C8orf34: variants seen among roughly 807,000 people sequenced by gnomAD.
C8orf34 encodes chromosome 8 open reading frame 34.
Under a neutral mutation model 68.3 loss-of-function variants are expected in C8orf34, and 65 were observed. The observed-to-expected ratio is 0.95, with a 90% CI of 0.78 to 1.17. The LOEUF (loss-of-function observed/expected upper bound fraction) is 1.17. Ranked by LOEUF, C8orf34 falls within the 50% of genes most tolerant of loss-of-function variation. C8orf34 has a pLI of 0.00. For missense variants in C8orf34, 664 were observed against 655.4 expected (o/e 1.01, Z -0.14); for synonymous variants, 244 against 241.2 (o/e 1.01, Z -0.11).
intron 10 of C8orf34, among the ~76,000 whole-genome samples, chr8:68,770,833 C>G (rs533742448): frequency 5.3e-5 from 8 of 152,188 alleles, no homozygotes; most frequent in Admixed American, 5.2e-4. Flanking sequence ...CCTTTTAAGG[C>G]AAAGGCATTA....
At chr8:68,440,022 T>C (rs1810834509) in intron 2 of C8orf34, among the ~76,000 whole-genome samples, 1 of 152,174 alleles carries the variant, frequency 6.6e-6, no homozygotes, top group South Asian at 2.1e-4. Context: ...CAGGATTACT[T>C]TTCTTGTTGC....
chr8:68,607,774 C>T (rs1391589920), intron 7 of C8orf34, among the ~76,000 whole-genome samples: 1 of 152,048 alleles, frequency 6.6e-6, no homozygotes, highest in Non-Finnish European at 1.5e-5. Flanking sequence ...TATTTCTTAC[C>T]CGCTGCTTTT....
At chr8:68,399,134 A>C (rs1370624768) in intron 1 of C8orf34, among the ~76,000 whole-genome samples, 1 of 152,146 alleles carries the variant, frequency 6.6e-6, no homozygotes, top group Non-Finnish European at 1.5e-5. Flanking sequence ...TAGTCCTAAT[A>C]ATAGTGAAAA....
intron 1 of C8orf34, among the ~76,000 whole-genome samples, chr8:68,415,631 G>A (rs910257391): frequency 7.9e-5 from 12 of 152,210 alleles, no homozygotes; most frequent in Non-Finnish European, 1.5e-4. Context: ...GAAGCCAATA[G>A]TGCCATTTTT....
intron 1 of C8orf34, among the ~76,000 whole-genome samples, chr8:68,435,705 G>T (rs989123574): frequency 6.6e-6 from 1 of 152,190 alleles, no homozygotes; most frequent in Non-Finnish European, 1.5e-5. Flanking sequence ...CTCTAACTCA[G>T]ATCATATGGA....
chr8:68,678,859 G>GAAAAAAAAAAAAA (rs35973682), intron 8 of C8orf34, among the ~76,000 whole-genome samples: 1 of 116,962 alleles, frequency 8.5e-6, no homozygotes, highest in Non-Finnish European at 1.8e-5. Flanking sequence ...GACCACAACT[G>GAAAAAAAAAAAAA]AAAAAAAAAA....
intron 8 of C8orf34, among the ~76,000 whole-genome samples, chr8:68,662,673 A>G (rs1180961383): frequency 2.6e-5 from 4 of 152,198 alleles, no homozygotes; most frequent in African/African-American, 7.2e-5. Flanking sequence ...AAATTACCCA[A>G]TCTCAGGTAT....
intron 5 of C8orf34, among the ~76,000 whole-genome samples, chr8:68,490,985 A>C (rs1478065885): frequency 6.6e-6 from 1 of 152,194 alleles, no homozygotes; most frequent in Non-Finnish European, 1.5e-5. Context: ...CTATGTCTTT[A>C]ATGTAACAGT....
chr8:68,398,996 T>C (rs140602296), intron 1 of C8orf34, among the ~76,000 whole-genome samples: 1 of 152,224 alleles, frequency 6.6e-6, no homozygotes, highest in African/African-American at 2.4e-5. Context: ...AAATTCCTAA[T>C]CATTTTCGAA....
At chr8:68,406,397 G>A (rs1006428385) in intron 1 of C8orf34, among the ~76,000 whole-genome samples, 2 of 152,092 alleles carry the variant, frequency 1.3e-5, no homozygotes, top group Non-Finnish European at 2.9e-5. Context: ...CATTCTGGGA[G>A]CCTCCTAAGA....
chr8:68,354,978 A>G lies in C8orf34; in HGVS notation c.327+23639A>G, dbSNP rs75960245. On this transcript the variant is annotated intron_variant, in intron 1 of 13. Coordinates refer to ENST00000518698, the MANE Select transcript of C8orf34 (RefSeq NM_052958.4). ...ATTGACTTGTGTATGCTTTCATCTTATTTGGAAAAAAAAAACATTGAAAAT... is the reference window on the plus strand; with the variant it reads ...ATTGACTTGTGTATGCTTTCATCTTGTTTGGAAAAAAAAAACATTGAAAAT... Among the ~76,000 whole-genome samples the G allele has an allele frequency of 8.7e-3, 1,318 of 151,738 alleles. 20 individuals are homozygous for G. The highest frequency in any genetic ancestry group is 0.03 in the African/African-American group (1,244 of 41,308).
At chr8:68,565,329 A>G (rs1816554075) in intron 7 of C8orf34, among the ~76,000 whole-genome samples, 1 of 152,112 alleles carries the variant, frequency 6.6e-6, no homozygotes, top group Non-Finnish European at 1.5e-5. Flanking sequence ...TATTCTCACT[A>G]CATGTTAGGA....
intron 1 of C8orf34, among the ~76,000 whole-genome samples, chr8:68,342,786 T>G (rs1806125525): frequency 6.6e-6 from 1 of 152,250 alleles, no homozygotes; most frequent in East Asian, 1.9e-4. Context: ...CAGGTACCCC[T>G]TATTTGACTT....
At chr8:68,389,986 G>T (rs973222842) in intron 1 of C8orf34, among the ~76,000 whole-genome samples, 2 of 152,102 alleles carry the variant, frequency 1.3e-5, no homozygotes, top group Admixed American at 6.6e-5. Flanking sequence ...TTGGTGAGCT[G>T]CAGTTACTCT....
intron 8 of C8orf34, among the ~76,000 whole-genome samples, chr8:68,691,203 A>G (rs1820675651): frequency 6.6e-6 from 1 of 152,040 alleles, no homozygotes; most frequent in Non-Finnish European, 1.5e-5. Flanking sequence ...CATTGTTTGC[A>G]AATTGAAGGT....
At chr8:68,337,886 A>T (rs76152236) in intron 1 of C8orf34, among the ~76,000 whole-genome samples, 2,014 of 152,330 alleles carry the variant, frequency 0.013, 21 homozygotes, top group South Asian at 0.031. Context: ...TATCTGAAAA[A>T]AATATTTAAA....
At chr8:68,430,264 C>A (rs576646998) in intron 1 of C8orf34, among the ~76,000 whole-genome samples, 141 of 152,276 alleles carry the variant, frequency 9.3e-4, no homozygotes, top group African/African-American at 3.1e-3. Context: ...GGATGGTGCA[C>A]CCCGACCCCA....
intron 7 of C8orf34, among the ~76,000 whole-genome samples, chr8:68,602,113 G>A (rs147145520): frequency 2.6e-5 from 4 of 152,242 alleles, no homozygotes; most frequent in Admixed American, 6.5e-5. Context: ...AAGCCTTGTT[G>A]CCACACGATG....
At chr8:68,529,684 T>G (rs1172413237) in intron 6 of C8orf34, among the ~76,000 whole-genome samples, 1 of 152,186 alleles carries the variant, frequency 6.6e-6, no homozygotes, top group East Asian at 1.9e-4. Flanking sequence ...GTTATGGACC[T>G]GGAATAAAAT....
Sources: gnomAD v4.1 joint callset for allele counts (sites outside exome capture counted in the v4.1 genomes callset) on GRCh38, gnomAD v4.1.1 for gene constraint, MANE v1.5 for transcripts, NCBI Gene and HGNC (gene_info 2026-07-23, HGNC 2026-07-21) for gene names.